Variants in MCMBP observed in about 807,000 individuals in gnomAD.
The protein encoded by MCMBP is mini-chromosome maintenance complex-binding protein.
MCMBP carries 31 observed loss-of-function variants against 81.3 expected under a neutral mutation model. The ratio of observed to expected loss-of-function variants is 0.38; its 90% confidence interval spans 0.29 to 0.51. The LOEUF is 0.51. Among genes scored for constraint, MCMBP ranks in the 20% least tolerant of loss-of-function variants. The pLI, the probability that MCMBP is intolerant of heterozygous loss-of-function variation, is 0.87. For synonymous variants in MCMBP, 267 were observed against 275.9 expected, an observed-to-expected ratio of 0.97 and a Z score of 0.32; for missense variants, 645 against 772.1, an observed-to-expected ratio of 0.84 and a Z score of 1.95.
At chr10:119,843,559 G>T in intron 8 of MCMBP, 133 bp from the exon 9 acceptor site, 1 of 797,616 alleles carries the variant, frequency 1.3e-6, no homozygotes, top group Non-Finnish European at 1.9e-6. Context: ...TTAAAGAACA[G>T]AAAGTGGCCT....
At chr10:119,863,651 C>A (rs1853341070) in intron 1 of MCMBP, among the ~76,000 whole-genome samples, 1 of 130,864 alleles carries the variant, frequency 7.6e-6, no homozygotes, top group Non-Finnish European at 1.5e-5. Context: ...ATTGCTTGAA[C>A]CCAGGAGGCG....
chr10:119,860,630 T>C (rs1853222556), intron 1 of MCMBP, among the ~76,000 whole-genome samples: 1 of 152,222 alleles, frequency 6.6e-6, no homozygotes, highest in Admixed American at 6.5e-5. Flanking sequence ...TTAGGATCAC[T>C]TTTGCATTTA....
chr10:119,837,359 A>G (rs748726070), intron 12 of MCMBP, among the ~76,000 whole-genome samples: 3 of 152,204 alleles, frequency 2.0e-5, no homozygotes, highest in Non-Finnish European at 4.4e-5. Context: ...CTACCGTCAT[A>G]CATAGATCAG....
rs1388409333 is a variant in MCMBP, at chr10:119,872,558, G to A, written c.27C>T (p.Ser9=). Residue 9 remains serine, a synonymous_variant, in exon 1 of 16, where the codon AGC becomes AGT. Transcript: ENST00000369077. Reference sequence around the variant, plus strand: ...ATCCCTGCACGATTCCCAGCGGGTGGCTGAGCCAATCCTCCCCACACGGCA... The same window carrying A: ...ATCCCTGCACGATTCCCAGCGGGTGACTGAGCCAATCCTCCCCACACGGCA... The part of the protein sequence containing the change: MPCGEDWL[S]HPLGIVQGFF... 5 of 1,186,418 alleles carry A rather than the reference G, an allele frequency of 4.2e-6. No homozygotes were observed. In the African/African-American group the frequency reaches 4.9e-5, roughly 12 times the overall value. 73.5% of individuals were successfully genotyped at this position (1,186,418 alleles called of 1,614,324 possible). A position where few individuals can be genotyped will look rare whatever the true frequency, so the allele number is the denominator to read the frequency against.
At position 119,872,679 on chromosome 10, in the gene MCMBP, C is replaced by G. The variant is rs1853736342; in HGVS notation, c.-95G>C. On this transcript the variant is annotated 5_prime_UTR_variant, in exon 1 of 16. Coordinates refer to ENST00000369077, the MANE Select transcript of MCMBP (RefSeq NM_001256378.2). ...GGCGCCCAGCTCCTCTTCAGCGGCT[C>G]GGCCGCTCCTCGCCCGCGTTCGCTC... The G allele has an allele frequency of 3.4e-6, 2 of 581,886 alleles. No homozygotes were observed. Among genetic ancestry groups the G allele is most frequent in the African/African-American group, 4.0e-5 (2 of 49,784 alleles). 36.0% of individuals were successfully genotyped at this position (581,886 alleles called of 1,614,324 possible).
intron 11 of MCMBP, among the ~76,000 whole-genome samples, chr10:119,839,303 T>C (rs1449422160): frequency 1.3e-5 from 2 of 152,138 alleles, no homozygotes; most frequent in Non-Finnish European, 1.5e-5. Context: ...TGAGCCACCA[T>C]TCCCAACACC....
rs1271456440 is a variant in MCMBP at position 119,835,692 on chromosome 10, T to G, written c.1555A>C (p.Ile519Leu). ...GRSLLPADCQ[I>L]HLQPQLIPPN... ...GGAATTAGCTGGGGCTGTAAGTGAATCTGGCAGTCTGCCTGAAAAGAGAAG... is the reference window on the plus strand; with the variant it reads ...GGAATTAGCTGGGGCTGTAAGTGAAGCTGGCAGTCTGCCTGAAAAGAGAAG... Residue 519 changes from isoleucine (I) to leucine (L), a missense_variant, in exon 14 of 16, where the codon ATT becomes CTT. Physicochemically the swap from Ile to Leu is conservative, Grantham distance 5. Coordinates refer to ENST00000369077, the MANE Select transcript of MCMBP (RefSeq NM_001256378.2). 6.2e-7 allele frequency: 1 copy of G among 1,614,216 alleles called. No homozygotes were observed. Among genetic ancestry groups the G allele is most frequent in the South Asian group, 1.1e-5 (1 of 91,058 alleles).
In MCMBP at chr10:119,842,065, C is replaced by T. The variant is rs540011361; in HGVS notation, c.1124+407G>A. 3.3e-5 allele frequency among the ~76,000 whole-genome samples: 5 copies of T among 152,290 alleles called. No individual in the cohort carries two copies. In the East Asian group the frequency reaches 7.7e-4, roughly 24 times the overall value. Reference sequence around the variant, plus strand: ...GATCAGCAGTGGCATCAGACTCTCACAGGAGCGCGAACCCTATTGTGAACT... The same window carrying T: ...GATCAGCAGTGGCATCAGACTCTCATAGGAGCGCGAACCCTATTGTGAACT... On this transcript the variant is annotated intron_variant, in intron 10 of 15. Transcript: ENST00000369077.
At chr10:119,834,693 A>C (rs907178778) in intron 14 of MCMBP, among the ~76,000 whole-genome samples, 2 of 151,382 alleles carry the variant, frequency 1.3e-5, no homozygotes, top group Admixed American at 1.3e-4. Context: ...CAAAACAAAA[A>C]AACCCAAAAA....
intron 9 of MCMBP, 131 bp downstream of exon 9, chr10:119,843,123 G>T: frequency 2.0e-6 from 2 of 1,003,732 alleles, no homozygotes; most frequent in South Asian, 1.3e-5. Context: ...ACGAGAGAGA[G>T]ATTACTGAAA....
intron 14 of MCMBP, among the ~76,000 whole-genome samples, chr10:119,834,134 G>T (rs1220631340): frequency 6.6e-6 from 1 of 152,190 alleles, no homozygotes; most frequent in Middle Eastern, 3.2e-3. Flanking sequence ...CAGTGGTAGT[G>T]TCAGAAGGAG....
chr10:119,841,848 A>C (rs563876736), intron 10 of MCMBP, among the ~76,000 whole-genome samples: 2 of 152,334 alleles, frequency 1.3e-5, no homozygotes, highest in South Asian at 4.1e-4. Flanking sequence ...TGGGATGTAT[A>C]AACAGAGCGT....
chr10:119,837,787 C>CA lies in MCMBP; in HGVS notation c.1408+747dup, dbSNP rs572425467. ...GACAGAGCAAGACTCCGTCTCAAAA[C>CA]AAAAAAAAAATTATATTAGATCTTT... On this transcript the variant is annotated intron_variant, in intron 12 of 15. Transcript: ENST00000369077. Among the ~76,000 whole-genome samples the CA allele has an allele frequency of 1.3e-3, 195 of 148,416 alleles. No homozygotes were observed. In the East Asian group the frequency reaches 0.015, roughly 12 times the overall value.
chr10:119,851,967 A>C (rs1310449934), intron 6 of MCMBP, among the ~76,000 whole-genome samples: 1 of 151,914 alleles, frequency 6.6e-6, no homozygotes, highest in Non-Finnish European at 1.5e-5. Context: ...AGCCTGACCA[A>C]CATGGAGAAA....
intron 10 of MCMBP, among the ~76,000 whole-genome samples, chr10:119,841,985 T>C (rs996920944): frequency 5.9e-5 from 9 of 152,022 alleles, no homozygotes; most frequent in Non-Finnish European, 1.0e-4. Context: ...GGCCACAACA[T>C]AGGAGGTGAG....
chr10:119,835,642 G>A lies in MCMBP; in HGVS notation c.1605C>T (p.Asn535=), dbSNP rs1852214058. The change falls in exon 14 of 16, where the codon AAC becomes AAT. Residue 535 remains asparagine (N), a synonymous_variant. Coordinates refer to ENST00000369077, the MANE Select transcript of MCMBP (RefSeq NM_001256378.2). The part of the protein sequence containing the change: ...LIPPNMEEYM[N]SLLSAVLPSV... ...AAGGCAGCACCGCTGAGAGAAGGCT[G>A]TTCATGTACTCCTCCATGTTTGGTG... 1.9e-6 allele frequency: 3 copies of A among 1,614,082 alleles called. No individual in the cohort carries two copies. Among genetic ancestry groups the A allele is most frequent in the Non-Finnish European group, 2.5e-6 (3 of 1,180,034 alleles).
chr10:119,859,757 A>G (rs763229665), intron 2 of MCMBP, 42 bp downstream of exon 2: 1 of 1,362,640 alleles, frequency 7.3e-7, no homozygotes. Flanking sequence ...GAAACTGTAT[A>G]GTCTGTCCAA....
At chr10:119,835,815 T>C in intron 13 of MCMBP, 111 bp from the exon 14 acceptor site, 1 of 1,134,070 alleles carries the variant, frequency 8.8e-7, no homozygotes, top group East Asian at 2.5e-5. Flanking sequence ...AAATACCACT[T>C]ATTATTTAGG....
At chr10:119,862,558 CT>C (rs1853298476) in intron 1 of MCMBP, among the ~76,000 whole-genome samples, 3 of 152,220 alleles carry the variant, frequency 2.0e-5, no homozygotes, top group Admixed American at 2.0e-4. Flanking sequence ...TATTATTCCT[CT>C]GAATAACAAC....
Sources: allele counts gnomAD v4.1 joint callset (sites outside exome capture counted in the v4.1 genomes callset), GRCh38; gene constraint gnomAD v4.1.1; transcripts MANE v1.5; gene names NCBI Gene and HGNC (gene_info 2026-07-23, HGNC 2026-07-21).